KEAP1: variants seen among roughly 807,000 people sequenced by gnomAD.
KEAP1 encodes kelch like ECH associated protein 1, also known as kelch-like ECH-associated protein 1.
In KEAP1, 26 loss-of-function variants were observed where a neutral mutation model predicts 59.7. The ratio of observed to expected loss-of-function variants is 0.44; its 90% confidence interval spans 0.32 to 0.60. The LOEUF (loss-of-function observed/expected upper bound fraction) is 0.60. Ranked by LOEUF, KEAP1 falls within the 20% of genes least tolerant of loss-of-function variation. The pLI is 0.06. For missense variants in KEAP1, 539 were observed against 871.4 expected (o/e 0.62, Z 4.80); for synonymous variants, 350 against 358.3 (o/e 0.98, Z 0.26).
chr19:10,489,635 C>A lies in KEAP1; in HGVS notation c.1531+13G>T, dbSNP rs754155590. The stretch of plus-strand genomic sequence containing the variant: ...TGTTCCTGGGTGCTCCCCTCCCTAC[C>A]GTCCCCACCCACCTGCCCCGCTTCG... On this transcript the variant is annotated intron_variant, in intron 4 of 5. Coordinates refer to ENST00000171111, the MANE Select transcript of KEAP1 (RefSeq NM_203500.2). The A allele has an allele frequency of 6.2e-6, 10 of 1,613,092 alleles. No homozygotes were observed. The highest frequency in any genetic ancestry group is 2.2e-5 in the South Asian group (2 of 91,006).
chr19:10,498,860 G>A (rs1395576923), intron 2 of KEAP1, among the ~76,000 whole-genome samples: 1 of 148,862 alleles, frequency 6.7e-6, no homozygotes, highest in Non-Finnish European at 1.5e-5. Context: ...TTTTGAAACT[G>A]AGTCTTGCTC....
At chr19:10,489,913 T>C in intron 3 of KEAP1, 60 bp from the exon 4 acceptor site, 2 of 1,481,602 alleles carry the variant, frequency 1.3e-6, no homozygotes, top group Non-Finnish European at 9.3e-7. Context: ...CGTGGAATAC[T>C]TAAGGGCCAG....
chr19:10,500,927 G>A (rs1050916901), intron 1 of KEAP1, among the ~76,000 whole-genome samples: 5 of 152,110 alleles, frequency 3.3e-5, no homozygotes, highest in Admixed American at 6.6e-5. Context: ...TGAGCCGCCC[G>A]CCTTGGCATC....
At position 10,489,215 on chromosome 19, in the gene KEAP1, T is replaced by A. The variant is rs1172489724; in HGVS notation, c.1685A>T (p.His562Leu). ...HRRSALGITV[H>L]QGRIYVLGGY... is the part of the protein sequence containing the mutation. ...ACCAAGGACGTAGATTCTCCCCTGG[T>A]GGACAGTGATCCCCAGGGCACTTCG... The change falls in exon 5 of 6, where the codon CAC (histidine) becomes CTC (leucine). Residue 562 changes from histidine (H) to leucine (L), a missense_variant. His to Leu is a moderately conservative substitution (Grantham distance 99, BLOSUM62 -3). This residue lies in a region of KEAP1 where 311 missense variants were observed against 425.2 expected (regional missense o/e 0.73). Transcript: ENST00000171111. 6.2e-7 allele frequency: 1 copy of A among 1,611,484 alleles called. No homozygotes were observed. Among genetic ancestry groups the A allele is most frequent in the Non-Finnish European group, 8.5e-7 (1 of 1,179,818 alleles).
At chr19:10,487,849 C>A (rs1460406747) in intron 5 of KEAP1, among the ~76,000 whole-genome samples, 2 of 151,786 alleles carry the variant, frequency 1.3e-5, no homozygotes, top group African/African-American at 4.8e-5. Flanking sequence ...TCAAAATTGG[C>A]CGGGCATGGT....
At chr19:10,495,286 A>G (rs941214210) in intron 2 of KEAP1, among the ~76,000 whole-genome samples, 4 of 152,174 alleles carry the variant, frequency 2.6e-5, no homozygotes, top group African/African-American at 4.8e-5. Flanking sequence ...CACTGAGATT[A>G]TACGCACGAG....
At chr19:10,492,343 T>C in intron 2 of KEAP1, 81 bp from the exon 3 acceptor site, 2 of 1,013,404 alleles carry the variant, frequency 2.0e-6, no homozygotes, top group East Asian at 2.5e-5. Flanking sequence ...AAGTAACTTA[T>C]CACTGCCGCT....
In KEAP1 at chr19:10,491,374, G is replaced by A. The variant is rs1184537877; in HGVS notation, c.1325+203C>T. Reference sequence around the variant, plus strand: ...AAAGGAACCATATGGGTTTGTGACAGTCCCCTAAGCATTTCCCAGCCCCAG... The same window carrying A: ...AAAGGAACCATATGGGTTTGTGACAATCCCCTAAGCATTTCCCAGCCCCAG... On this transcript the variant is annotated intron_variant, in intron 3 of 5. Transcript: ENST00000171111. The surrounding 1 kb of genome is among the most constrained non-coding windows in gnomAD (Gnocchi z 5.2). Among the ~76,000 whole-genome samples the A allele has an allele frequency of 2.0e-5, 3 of 152,158 alleles. No individual in the cohort carries two copies. Among genetic ancestry groups the A allele is most frequent in the Non-Finnish European group, 2.9e-5 (2 of 68,036 alleles).
chr19:10,498,226 G>A (rs1388464563), intron 2 of KEAP1, among the ~76,000 whole-genome samples: 1 of 97,446 alleles, frequency 1.0e-5, no homozygotes, highest in Non-Finnish European at 2.0e-5. Context: ...TTGAGACAGA[G>A]TCTTGCTCTG....
At chr19:10,496,589 G>T (rs139518201) in intron 2 of KEAP1, among the ~76,000 whole-genome samples, 1,686 of 151,924 alleles carry the variant, frequency 0.011, 28 homozygotes, top group African/African-American at 0.039. Flanking sequence ...ATCACGTGAG[G>T]TAAGGAGTTC....
intron 1 of KEAP1, among the ~76,000 whole-genome samples, chr19:10,500,471 C>T (rs1003843467): frequency 3.9e-5 from 6 of 152,158 alleles, no homozygotes; most frequent in Non-Finnish European, 5.9e-5. Context: ...ATTTGCCTCA[C>T]CATTTACTGG....
rs1914973822 is a variant in KEAP1 at position 10,499,753 on chromosome 19, A to G, written c.281T>C (p.Met94Thr). 2 of 1,614,128 alleles carry G rather than the reference A, an allele frequency of 1.2e-6. No homozygotes were observed. Among genetic ancestry groups the G allele is most frequent in the Non-Finnish European group, 1.7e-6 (2 of 1,180,036 alleles). Reference sequence around the variant, plus strand: ...TGAGGCCAGCACCACCTTGTGGGCCATGAACTGGGCGGCCGGTGCATCCTG... The same window carrying G: ...TGAGGCCAGCACCACCTTGTGGGCCGTGAACTGGGCGGCCGGTGCATCCTG... ...KYQDAPAAQF[M>T]AHKVVLASSS... Residue 94 changes from methionine to threonine, a missense_variant, in exon 2 of 6, where the codon ATG (methionine) becomes ACG (threonine). Met to Thr is a moderately conservative substitution (Grantham distance 81). Around this residue, in one of 4 missense-constraint regions of KEAP1, gnomAD observed 166 missense variants for 295.8 expected, o/e 0.56. Coordinates refer to ENST00000171111, the MANE Select transcript of KEAP1 (RefSeq NM_203500.2). The surrounding 1 kb of genome is among the most constrained non-coding windows in gnomAD (Gnocchi z 6.7).
intron 1 of KEAP1, among the ~76,000 whole-genome samples, chr19:10,501,930 GACTCA>G (rs1915058328): frequency 6.6e-6 from 1 of 152,102 alleles, no homozygotes; most frequent in Non-Finnish European, 1.5e-5. Context: ...CTCTTTCTGG[GACTCA>G]ACTCAAAGTC....
At chr19:10,497,497 A>G (rs1914891829) in intron 2 of KEAP1, among the ~76,000 whole-genome samples, 1 of 152,212 alleles carries the variant, frequency 6.6e-6, no homozygotes, top group Non-Finnish European at 1.5e-5. Flanking sequence ...GAAGGGTAGT[A>G]CTGCCTCATA....
chr19:10,494,657 CTTT>C (rs111799495), intron 2 of KEAP1, among the ~76,000 whole-genome samples: 21 of 110,956 alleles, frequency 1.9e-4, no homozygotes, highest in Admixed American at 4.0e-4. Context: ...CTGTTTGTTT[CTTT>C]TTTTTTTTTT....
rs1258850586 is a variant in KEAP1, at chr19:10,499,713, G to C, written c.321C>G (p.Phe107Leu). The C allele has an allele frequency of 3.1e-6, 5 of 1,614,084 alleles. No individual in the cohort carries two copies. The highest frequency in any genetic ancestry group is 1.3e-5 in the African/African-American group (1 of 74,940). Residue 107 changes from phenylalanine to leucine, a missense_variant, in exon 2 of 6, where the codon TTC (phenylalanine) becomes TTG (leucine). This residue lies in a region of KEAP1 where 166 missense variants were observed against 295.8 expected (regional missense o/e 0.56). Transcript: ENST00000171111. The surrounding 1 kb of genome is among the most constrained non-coding windows in gnomAD (Gnocchi z 6.7). ...GCAGCCCGTTGGTGAACATGGCCTTGAAGACAGGGCTGGATGAGGCCAGCA... is the reference window on the plus strand; with the variant it reads ...GCAGCCCGTTGGTGAACATGGCCTTCAAGACAGGGCTGGATGAGGCCAGCA... ...KVVLASSSPV[F>L]KAMFTNGLRE...
At position 10,489,756 on chromosome 19, in the gene KEAP1, C is replaced by A. The variant is rs547713274; in HGVS notation, c.1423G>T (p.Val475Leu). 6.2e-7 allele frequency: 1 copy of A among 1,614,028 alleles called. No individual in the cohort carries two copies. The highest frequency in any genetic ancestry group is 1.7e-5 in the Admixed American group (1 of 59,912). Reference protein sequence around the residue: ...VAVLNRLLYAVGGFDGTNRLN... With the variant: ...VAVLNRLLYALGGFDGTNRLN... The stretch of plus-strand genomic sequence containing the variant: ...CGGTTTGTCCCGTCAAAGCCCCCCA[C>A]GGCATAAAGGAGACGATTGAGGACA... The change falls in exon 4 of 6, where the codon GTG becomes TTG. Residue 475 changes from valine to leucine, a missense_variant. Physicochemically the swap from Val to Leu is conservative, Grantham distance 32. Coordinates refer to ENST00000171111, the MANE Select transcript of KEAP1 (RefSeq NM_203500.2).
chr19:10,486,635 C>G lies in KEAP1; in HGVS notation c.*17G>C. 1 of 1,609,532 alleles carries G rather than the reference C, an allele frequency of 6.2e-7. No homozygotes were observed. Among genetic ancestry groups the G allele is most frequent in the Non-Finnish European group, 8.5e-7 (1 of 1,178,096 alleles). On this transcript the variant is annotated 3_prime_UTR_variant, in exon 6 of 6. Coordinates refer to ENST00000171111, the MANE Select transcript of KEAP1 (RefSeq NM_203500.2). Reference sequence around the variant, plus strand: ...CTCCCCATTGGACTGTATTTTTGCCCAAGAAACAAAAGTGCCTCAACAGGT... The same window carrying G: ...CTCCCCATTGGACTGTATTTTTGCCGAAGAAACAAAAGTGCCTCAACAGGT...
At chr19:10,490,071 G>A (rs1478807008) in intron 3 of KEAP1, among the ~76,000 whole-genome samples, 2 of 151,898 alleles carry the variant, frequency 1.3e-5, no homozygotes, top group Non-Finnish European at 2.9e-5. Flanking sequence ...GGCCAACATG[G>A]TAAAAACCTG....
Sources: gnomAD v4.1 joint callset for allele counts (sites outside exome capture counted in the v4.1 genomes callset) on GRCh38, gnomAD v4.1.1 for gene constraint, gnomAD v4.1.1 regional missense constraint, Gnocchi (gnomAD v3.1) non-coding constraint, MANE v1.5 for transcripts, NCBI Gene and HGNC (gene_info 2026-07-23, HGNC 2026-07-21) for gene names.